The following SNRPB2 variants were observed in gnomAD, a reference collection of about 807,000 sequenced individuals.
SNRPB2 encodes the protein U2 small nuclear ribonucleoprotein B''.
In SNRPB2, 16 loss-of-function variants were observed where a neutral mutation model predicts 26.3. The observed-to-expected ratio is 0.61, with a 90% CI of 0.41 to 0.92. The LOEUF is 0.92. Ranked by LOEUF, SNRPB2 falls within the 40% of genes least tolerant of loss-of-function variation. SNRPB2 has a pLI of 0.00. For synonymous variants in SNRPB2, 75 were observed against 89.0 expected (o/e 0.84, Z 0.88); for missense variants, 179 against 268.1 (o/e 0.67, Z 2.32).
rs762496814 is a variant in SNRPB2, at chr20:16,740,945, T to C, written c.618T>C (p.Ala206=). 6.2e-6 allele frequency: 10 copies of C among 1,612,958 alleles called. No individual in the cohort carries two copies. Among genetic ancestry groups the C allele is most frequent in the South Asian group, 2.2e-5 (2 of 91,040 alleles). The part of the protein sequence containing the change: ...NDGQAGAARD[A]LQGFKITPSH... The stretch of plus-strand genomic sequence containing the variant: ...GGCAGGCTGGAGCTGCCAGGGATGC[T>C]TTACAGGGATTTAAGATCACACCGT... Residue 206 remains alanine (A), a synonymous_variant, in exon 7 of 7, where the codon GCT becomes GCC. Coordinates refer to ENST00000246071, the MANE Select transcript of SNRPB2 (RefSeq NM_003092.5).
intron 4 of SNRPB2, 142 bp downstream of exon 4, chr20:16,737,543 T>A (rs1035665292): frequency 2.6e-5 from 16 of 626,044 alleles, no homozygotes; most frequent in Non-Finnish European, 4.1e-5. Context: ...GAAGCTAGAA[T>A]GGTTGACTTA....
At chr20:16,737,508 A>G (rs2072434425) in intron 4 of SNRPB2, 107 bp downstream of exon 4, 1 of 987,036 alleles carries the variant, frequency 1.0e-6, no homozygotes, top group South Asian at 2.7e-5. Context: ...ATGTGCATAA[A>G]TGTGTGTTTA....
At position 16,737,374 on chromosome 20, in the gene SNRPB2, A is replaced by G; in HGVS notation, c.351A>G (p.Ala117=). The change falls in exon 4 of 7, where the codon GCA becomes GCG. Residue 117 remains alanine (A), a synonymous_variant. Coordinates refer to ENST00000246071, the MANE Select transcript of SNRPB2 (RefSeq NM_003092.5). The part of the protein sequence containing the change: ...KKKAKTVEQT[A]TTTNKKPGQG... ...AAGCCAAAACTGTGGAACAGACTGC[A>G]ACAACCACAAACAAAAAGCCTGGCC... 6.3e-7 allele frequency: 1 copy of G among 1,589,198 alleles called. No homozygotes were observed. The highest frequency in any genetic ancestry group is 8.5e-7 in the Non-Finnish European group (1 of 1,174,096).
At chr20:16,736,139 C>T (rs1419158288) in intron 3 of SNRPB2, among the ~76,000 whole-genome samples, 2 of 152,120 alleles carry the variant, frequency 1.3e-5, no homozygotes, top group Admixed American at 6.5e-5. Context: ...TACATCAATA[C>T]GATGAAATAC....
intron 4 of SNRPB2, among the ~76,000 whole-genome samples, chr20:16,737,628 G>A (rs1415556353): frequency 6.6e-6 from 1 of 152,108 alleles, no homozygotes; most frequent in Non-Finnish European, 1.5e-5. Context: ...TATTTGCATG[G>A]CATTTAATTC....
At chr20:16,738,556 A>G (rs543754027) in intron 4 of SNRPB2, among the ~76,000 whole-genome samples, 21 of 152,238 alleles carry the variant, frequency 1.4e-4, no homozygotes, top group African/African-American at 4.8e-4. Flanking sequence ...TTTAAAAGTA[A>G]GACTAGGCCT....
chr20:16,739,781 CTAAG>C (rs1016478696), intron 5 of SNRPB2, among the ~76,000 whole-genome samples: 1 of 151,750 alleles, frequency 6.6e-6, no homozygotes, highest in Non-Finnish European at 1.5e-5. Flanking sequence ...ATCTAATAAA[CTAAG>C]TGTTTGTTAC....
chr20:16,731,818 C>T (rs1356117184), intron 2 of SNRPB2, 52 bp downstream of exon 2: 2 of 1,605,166 alleles, frequency 1.2e-6, no homozygotes, highest in South Asian at 1.1e-5. Context: ...TTATTTACTA[C>T]TGTCTTAAAA....
intron 3 of SNRPB2, 92 bp from the exon 4 acceptor site, chr20:16,737,166 TGTA>T (rs1371184953): frequency 5.3e-6 from 5 of 943,542 alleles, no homozygotes; most frequent in Admixed American, 6.0e-5. Context: ...AAAATTAGCT[TGTA>T]GTGTATTTGC....
At chr20:16,735,680 C>T (rs1190039502) in intron 3 of SNRPB2, among the ~76,000 whole-genome samples, 5 of 152,204 alleles carry the variant, frequency 3.3e-5, no homozygotes, top group African/African-American at 1.2e-4. Context: ...CTATCTTGGA[C>T]AAGTTTTTGA....
In SNRPB2 at chr20:16,730,079, C is replaced by T. The variant is rs28372903; in HGVS notation, c.-121C>T. 0.019 allele frequency: 2,907 copies of T among 152,602 alleles called. 54 individuals are homozygous for T. The highest frequency in any genetic ancestry group is 0.051 in the Admixed American group (779 of 15,302). 9.5% of individuals were successfully genotyped at this position (152,602 alleles called of 1,614,324 possible). A position where few individuals can be genotyped will look rare whatever the true frequency, so the allele number is the denominator to read the frequency against. On this transcript the variant is annotated 5_prime_UTR_variant, in exon 1 of 7. Transcript: ENST00000246071. ...GTAGGCCTTAGGTGGGTTCGTGCGC[C>T]TTCTACCTCGCTGTTTCGGTTTTCC...
intron 4 of SNRPB2, 97 bp downstream of exon 4, chr20:16,737,498 A>C: frequency 9.8e-7 from 1 of 1,017,788 alleles, no homozygotes; most frequent in Non-Finnish European, 1.4e-6. Flanking sequence ...TTGTCTGTAT[A>C]TGTGCATAAA....
In SNRPB2 at chr20:16,732,183, T is replaced by C; in HGVS notation, c.84T>C (p.Tyr28=). The C allele has an allele frequency of 6.3e-7, 1 of 1,598,576 alleles. No homozygotes were observed. The highest frequency in any genetic ancestry group is 1.3e-5 in the African/African-American group (1 of 74,432). Residue 28 remains tyrosine (Y), a synonymous_variant, in exon 3 of 7, where the codon TAT becomes TAC. Transcript: ENST00000246071. ...IKKEELKRSL[Y]ALFSQFGHVV... ...GGACAGAATTGAAGAGATCCCTATA[T>C]GCCCTGTTTTCTCAGTTTGGTCATG...
intron 3 of SNRPB2, among the ~76,000 whole-genome samples, chr20:16,734,687 G>A (rs1168243062): frequency 6.6e-6 from 1 of 152,154 alleles, no homozygotes; most frequent in African/African-American, 2.4e-5. Context: ...AGCATCCCTG[G>A]CCTCTACCCA....
intron 2 of SNRPB2, 77 bp downstream of exon 2, chr20:16,731,843 A>T: frequency 1.3e-6 from 2 of 1,590,968 alleles, no homozygotes; most frequent in Non-Finnish European, 1.7e-6. Flanking sequence ...TACTGCCTCA[A>T]AACCTCTTAC....
At position 16,738,892 on chromosome 20, in the gene SNRPB2, C is replaced by A; in HGVS notation, c.419C>A (p.Pro140Gln). 1.2e-6 allele frequency: 2 copies of A among 1,603,420 alleles called. No individual in the cohort carries two copies. The highest frequency in any genetic ancestry group is 1.7e-6 in the Non-Finnish European group (2 of 1,170,618). ...NSANTQGNST[P>Q]NPQVPDYPPN... is the part of the protein sequence containing the mutation. ...GCTAATACCCAAGGAAATTCAACAC[C>A]AAATCCTCAGGTAATTTTTTTTCCA... The change falls in exon 5 of 7, where the codon CCA (proline) becomes CAA (glutamine). Residue 140 changes from proline to glutamine, a missense_variant. Physicochemically the swap from Pro to Gln is moderately conservative, Grantham distance 76 (BLOSUM62 -1). Coordinates refer to ENST00000246071, the MANE Select transcript of SNRPB2 (RefSeq NM_003092.5).
intron 4 of SNRPB2, 102 bp downstream of exon 4, chr20:16,737,503 C>A: frequency 2.0e-6 from 2 of 1,013,596 alleles, no homozygotes; most frequent in Non-Finnish European, 1.4e-6. Flanking sequence ...TGTATATGTG[C>A]ATAAATGTGT....
Position 16,738,959 on chromosome 20 carries a change from G to T in SNRPB2, c.429+57G>T, listed in dbSNP as rs1011260628. On this transcript the variant is annotated intron_variant, in intron 5 of 6. Coordinates refer to ENST00000246071, the MANE Select transcript of SNRPB2 (RefSeq NM_003092.5). ...AAATAAGATTGTAAAAATTACAGCA[G>T]TGGTATAAAACAATTTCCATGTCTC... The T allele has an allele frequency of 5.2e-6, 6 of 1,149,500 alleles. No homozygotes were observed. The Middle Eastern group carries it at 6.2e-4, about 119-fold the overall frequency. 71.2% of individuals were successfully genotyped at this position (1,149,500 alleles called of 1,614,324 possible).
In SNRPB2 at chr20:16,740,916, G is replaced by C. The variant is rs764757509; in HGVS notation, c.589G>C (p.Asp197His). Residue 197 changes from aspartate to histidine, a missense_variant, in exon 7 of 7, where the codon GAT becomes CAT. This residue lies in a region of SNRPB2 where 34 missense variants were observed against 87.4 expected (regional missense o/e 0.39). Transcript: ENST00000246071. ...HDIAFVEFEN[D>H]GQAGAARDAL... The stretch of plus-strand genomic sequence containing the variant: ...CATTGCTTTTGTTGAATTTGAAAAT[G>C]ATGGGCAGGCTGGAGCTGCCAGGGA... 2 of 1,611,684 alleles carry C rather than the reference G, an allele frequency of 1.2e-6. No homozygotes were observed.
Sources: allele counts gnomAD v4.1 joint callset (sites outside exome capture counted in the v4.1 genomes callset), GRCh38; gene constraint gnomAD v4.1.1; regional missense constraint gnomAD v4.1.1; transcripts MANE v1.5; gene names NCBI Gene and HGNC (gene_info 2026-07-23, HGNC 2026-07-21).